Variants in PTPRG observed in about 807,000 individuals in gnomAD.
The protein encoded by PTPRG is protein tyrosine phosphatase receptor type G.
Under a neutral mutation model 165.3 loss-of-function variants are expected in PTPRG, and 102 were observed. The ratio of observed to expected loss-of-function variants is 0.62; its 90% CI spans 0.53 to 0.73. The LOEUF (loss-of-function observed/expected upper bound fraction) is 0.73. Among genes scored for constraint, PTPRG ranks in the 30% least tolerant of loss-of-function variants. The pLI is 0.00. For missense variants in PTPRG, 1,866 were observed against 1,861.4 expected, an observed-to-expected ratio of 1.00 and a Z score of -0.05; for synonymous variants, 675 against 669.5, an observed-to-expected ratio of 1.01 and a Z score of -0.13.
intron 4 of PTPRG, among the ~76,000 whole-genome samples, chr3:62,072,245 G>A (rs549048984): frequency 1.3e-5 from 2 of 152,174 alleles, no homozygotes; most frequent in Admixed American, 1.3e-4. Context: ...TTACTTGACA[G>A]TATTGGGATT....
chr3:61,772,703 G>T (rs2034245846), intron 2 of PTPRG, among the ~76,000 whole-genome samples: 1 of 151,426 alleles, frequency 6.6e-6, no homozygotes, highest in African/African-American at 2.4e-5. Context: ...AGTGTAGATA[G>T]ACCATATGTT....
intron 2 of PTPRG, among the ~76,000 whole-genome samples, chr3:61,935,889 G>A (rs1365190074): frequency 7.6e-6 from 1 of 132,044 alleles, no homozygotes; most frequent in Non-Finnish European, 1.7e-5. Context: ...TTTAAATGAT[G>A]GTGTTCCCTT....
At chr3:61,957,980 T>C (rs1168927151) in intron 2 of PTPRG, among the ~76,000 whole-genome samples, 2 of 152,200 alleles carry the variant, frequency 1.3e-5, no homozygotes, top group Non-Finnish European at 2.9e-5. Context: ...GCATTTGCCT[T>C]AATGAGGTTT....
At chr3:61,896,410 A>G (rs1413161323) in intron 2 of PTPRG, among the ~76,000 whole-genome samples, 2 of 152,286 alleles carry the variant, frequency 1.3e-5, no homozygotes, top group African/African-American at 2.4e-5. Flanking sequence ...TTGTTGAGTA[A>G]TATGCCAAGG....
At chr3:61,965,198 G>A (rs1202525971) in intron 2 of PTPRG, among the ~76,000 whole-genome samples, 3 of 150,558 alleles carry the variant, frequency 2.0e-5, no homozygotes, top group African/African-American at 7.4e-5. Flanking sequence ...GAGCCGAGAT[G>A]GCGCCATTGC....
intron 4 of PTPRG, among the ~76,000 whole-genome samples, chr3:62,070,757 G>C (rs1406458245): frequency 6.6e-6 from 1 of 152,128 alleles, no homozygotes; most frequent in African/African-American, 2.4e-5. Context: ...CAGATTCACT[G>C]TGTTTGGATG....
intron 7 of PTPRG, among the ~76,000 whole-genome samples, chr3:62,158,312 C>T (rs775052800): frequency 1.3e-5 from 2 of 152,144 alleles, no homozygotes; most frequent in African/African-American, 2.4e-5. Context: ...CAAATTTCTT[C>T]TGCATTATTC....
At chr3:61,655,789 G>A (rs915636003) in intron 1 of PTPRG, among the ~76,000 whole-genome samples, 1 of 151,996 alleles carries the variant, frequency 6.6e-6, no homozygotes, top group African/African-American at 2.4e-5. Context: ...AATTTTTTTT[G>A]TAGATATAGG....
At chr3:61,617,336 A>T (rs989989946) in intron 1 of PTPRG, among the ~76,000 whole-genome samples, 46 of 152,206 alleles carry the variant, frequency 3.0e-4, no homozygotes, top group African/African-American at 1.1e-3. Context: ...GTGTGTCGGT[A>T]TTTAATGGCT....
chr3:61,855,737 AC>A (rs2037087989), intron 2 of PTPRG, among the ~76,000 whole-genome samples: 1 of 146,472 alleles, frequency 6.8e-6, no homozygotes, highest in South Asian at 2.1e-4. Flanking sequence ...TACTTCTCAT[AC>A]TCTTGGTTTA....
chr3:61,726,642 G>T (rs1383988850), intron 1 of PTPRG, among the ~76,000 whole-genome samples: 1 of 152,166 alleles, frequency 6.6e-6, no homozygotes, highest in East Asian at 1.9e-4. Flanking sequence ...TTCGATGCCT[G>T]AAGTTTTGCC....
chr3:61,827,179 G>A (rs1248009672), intron 2 of PTPRG, among the ~76,000 whole-genome samples: 1 of 152,230 alleles, frequency 6.6e-6, no homozygotes, highest in African/African-American at 2.4e-5. Flanking sequence ...CAGTAAGGGA[G>A]ATGTTGGGCC....
At chr3:62,053,591 A>G (rs1384462799) in intron 4 of PTPRG, among the ~76,000 whole-genome samples, 1 of 152,094 alleles carries the variant, frequency 6.6e-6, no homozygotes, top group African/African-American at 2.4e-5. Flanking sequence ...TTTGAAACTT[A>G]TCTAGCTAGT....
At chr3:62,023,897 G>C (rs1212876769) in intron 4 of PTPRG, among the ~76,000 whole-genome samples, 1 of 152,020 alleles carries the variant, frequency 6.6e-6, no homozygotes, top group Non-Finnish European at 1.5e-5. Flanking sequence ...TTCAATAATG[G>C]TGTTATTGTC....
chr3:61,563,608 C>T (rs1206090246), intron 1 of PTPRG, among the ~76,000 whole-genome samples: 2 of 152,210 alleles, frequency 1.3e-5, no homozygotes, highest in African/African-American at 4.8e-5. Flanking sequence ...TTTTTCTGCC[C>T]TCTCATCCAT....
At chr3:61,829,388 G>C (rs1042392497) in intron 2 of PTPRG, among the ~76,000 whole-genome samples, 17 of 152,230 alleles carry the variant, frequency 1.1e-4, no homozygotes, top group African/African-American at 4.1e-4. Context: ...TGTTTCCGTG[G>C]CCAGGGCCAA....
chr3:62,057,054 A>G (rs1236553910), intron 4 of PTPRG, among the ~76,000 whole-genome samples: 1 of 152,256 alleles, frequency 6.6e-6, no homozygotes, highest in East Asian at 1.9e-4. Flanking sequence ...CATCTAAACA[A>G]CAAGGATTAT....
intron 2 of PTPRG, among the ~76,000 whole-genome samples, chr3:61,909,976 T>C (rs1434471839): frequency 6.6e-6 from 1 of 152,248 alleles, no homozygotes; most frequent in African/African-American, 2.4e-5. Context: ...GTGAAGGGGC[T>C]CCTTGTGGTT....
At chr3:62,235,596 G>C (rs887161828) in intron 14 of PTPRG, among the ~76,000 whole-genome samples, 1 of 152,162 alleles carries the variant, frequency 6.6e-6, no homozygotes, top group African/African-American at 2.4e-5. Flanking sequence ...CCACTTTTGT[G>C]CCTATAATTT....
Sources: allele counts gnomAD v4.1 joint callset (sites outside exome capture counted in the v4.1 genomes callset), GRCh38; gene constraint gnomAD v4.1.1; transcripts MANE v1.5; gene names NCBI Gene and HGNC (gene_info 2026-07-23, HGNC 2026-07-21).